DOCK9: variants seen among roughly 807,000 people sequenced by gnomAD.
DOCK9 encodes dedicator of cytokinesis protein 9.
DOCK9 carries 89 observed loss-of-function variants against 263.3 expected under a neutral mutation model. The observed-to-expected ratio is 0.34, with a 90% confidence interval of 0.28 to 0.40. DOCK9 has a LOEUF of 0.40. Ranked by LOEUF, DOCK9 falls within the 10% of genes least tolerant of loss-of-function variation. DOCK9 has a pLI of 1.00. For synonymous variants in DOCK9, 976 were observed against 973.1 expected (o/e 1.00, Z -0.06); for missense variants, 2,140 against 2,603.4 (o/e 0.82, Z 3.87).
At chr13:99,019,088 C>T (rs964684364) in intron 1 of DOCK9, among the ~76,000 whole-genome samples, 1 of 152,072 alleles carries the variant, frequency 6.6e-6, no homozygotes, top group Non-Finnish European at 1.5e-5. Flanking sequence ...TGCCACTACA[C>T]GAATGGCCCG....
chr13:98,995,433 T>A (rs1393883888), intron 1 of DOCK9, among the ~76,000 whole-genome samples: 1 of 151,352 alleles, frequency 6.6e-6, no homozygotes, highest in Non-Finnish European at 1.5e-5. Context: ...GAAAGAAAAG[T>A]AGAGGATGCG....
Position 98,794,494 on chromosome 13 carries a change from G to A in DOCK9, c.*132C>T. ...AGAAAGTCTGTTAAGAAATAACGTT[G>A]TTCTTTATTTCCTTTCTCTCCCCTT... On this transcript the variant is annotated 3_prime_UTR_variant, in exon 53 of 53. Transcript: ENST00000682017. The A allele has an allele frequency of 3.1e-6, 3 of 968,532 alleles. No homozygotes were observed. The highest frequency in any genetic ancestry group is 3.6e-5 in the South Asian group (2 of 55,082). 60.0% of individuals were successfully genotyped at this position (968,532 alleles called of 1,614,324 possible). A position where few individuals can be genotyped will look rare whatever the true frequency, so the allele number is the denominator to read the frequency against.
At chr13:98,816,508 T>C (rs1224412809) in intron 45 of DOCK9, among the ~76,000 whole-genome samples, 1 of 151,692 alleles carries the variant, frequency 6.6e-6, no homozygotes, top group Non-Finnish European at 1.5e-5. Context: ...AACAGTCAGG[T>C]GAAGGAACGC....
intron 1 of DOCK9, among the ~76,000 whole-genome samples, chr13:99,018,821 T>C (rs897911563): frequency 2.0e-5 from 3 of 152,208 alleles, no homozygotes; most frequent in African/African-American, 7.2e-5. Context: ...ATATTTCAAT[T>C]TGGAGATCAC....
chr13:98,934,527 G>C (rs2054501847), intron 2 of DOCK9, among the ~76,000 whole-genome samples: 1 of 152,192 alleles, frequency 6.6e-6, no homozygotes, highest in Non-Finnish European at 1.5e-5. Context: ...GAAGCTGTGG[G>C]ATGGTTTGTT....
chr13:99,087,652 G>A (rs1166173723), upstream of DOCK9, among the ~76,000 whole-genome samples: 6 of 152,182 alleles, frequency 3.9e-5, no homozygotes, highest in Admixed American at 2.0e-4. Flanking sequence ...GCCCGGCGCA[G>A]CCTAACCCTC....
chr13:98,978,250 T>A (rs943355164), upstream of DOCK9, among the ~76,000 whole-genome samples: 25 of 152,224 alleles, frequency 1.6e-4, no homozygotes, highest in African/African-American at 5.5e-4. Context: ...GCCAAATCAA[T>A]CGGAATCAAA....
In DOCK9 at chr13:98,855,969, A is replaced by T; in HGVS notation, c.3760T>A (p.Ser1254Thr). 1.2e-6 allele frequency: 2 copies of T among 1,613,988 alleles called. No individual in the cohort carries two copies. Among genetic ancestry groups the T allele is most frequent in the Non-Finnish European group, 1.7e-6 (2 of 1,179,886 alleles). Reference sequence around the variant, plus strand: ...TTACCCGAATCTGTGCTTATGAGAGATCCTCTCGAATCAGCATTTCTCACA... The same window carrying T: ...TTACCCGAATCTGTGCTTATGAGAGTTCCTCTCGAATCAGCATTTCTCACA... ...NSVRNADSRG[S>T]LISTDSGNSL... Residue 1254 changes from serine to threonine, a missense_variant, in exon 34 of 53, where the codon TCT (serine) becomes ACT (threonine). By Grantham distance (58) the Ser-to-Thr change is moderately conservative. This residue lies in a region of DOCK9 where 1,521 missense variants were observed against 1,741.7 expected (regional missense o/e 0.87). Coordinates refer to ENST00000682017, the MANE Select transcript of DOCK9 (RefSeq NM_001366683.2).
At chr13:98,810,339 C>T (rs2282134) in intron 45 of DOCK9, 48 bp from the exon 46 acceptor site, 643,823 of 1,600,096 alleles carry the variant, frequency 0.4, 135,864 homozygotes, top group East Asian at 0.68. Flanking sequence ...TTATGGGGAA[C>T]GTGACATGGC....
chr13:98,898,048 C>A (rs991680613), intron 14 of DOCK9, 131 bp downstream of exon 14: 6 of 674,698 alleles, frequency 8.9e-6, no homozygotes, highest in Non-Finnish European at 1.5e-5. Context: ...TTTTCAAAAT[C>A]TGGGCTTATG....
At chr13:98,843,799 T>A (rs772371743) in intron 38 of DOCK9, among the ~76,000 whole-genome samples, 4 of 152,140 alleles carry the variant, frequency 2.6e-5, no homozygotes, top group Non-Finnish European at 4.4e-5. Flanking sequence ...CAGCTGTCTC[T>A]CTCCTCCAAT....
chr13:98,922,203 C>T (rs1836751650), intron 5 of DOCK9, 57 bp from the exon 6 acceptor site: 1 of 1,387,812 alleles, frequency 7.2e-7, no homozygotes, highest in Non-Finnish European at 1.0e-6. Context: ...GGGTTGCTTG[C>T]TGTGAGTTTG....
At chr13:98,988,224 T>G (rs1320919260) in intron 1 of DOCK9, among the ~76,000 whole-genome samples, 1 of 152,214 alleles carries the variant, frequency 6.6e-6, no homozygotes, top group Non-Finnish European at 1.5e-5. Flanking sequence ...GAGCGAGGTA[T>G]TCATTTCGGG....
intron 39 of DOCK9, among the ~76,000 whole-genome samples, chr13:98,836,501 C>T (rs1173086678): frequency 6.6e-6 from 1 of 152,148 alleles, no homozygotes; most frequent in Non-Finnish European, 1.5e-5. Flanking sequence ...TTCCATTTCT[C>T]ACATGCTCCC....
intron 3 of DOCK9, among the ~76,000 whole-genome samples, chr13:98,928,012 A>AAC (rs2053300394): frequency 9.8e-6 from 1 of 102,132 alleles, no homozygotes; most frequent in African/African-American, 3.1e-5. Context: ...TACAAAAAAA[A>AAC]AAAAAAACAA....
chr13:98,846,158 G>C, intron 37 of DOCK9, 98 bp from the exon 38 acceptor site: 2 of 1,386,032 alleles, frequency 1.4e-6, no homozygotes, highest in South Asian at 1.4e-5. Flanking sequence ...GCACGAGGGA[G>C]ATGGCCATGC....
At chr13:98,838,811 T>G (rs2093105528) in intron 38 of DOCK9, among the ~76,000 whole-genome samples, 1 of 152,148 alleles carries the variant, frequency 6.6e-6, no homozygotes, top group Non-Finnish European at 1.5e-5. Flanking sequence ...CTTAAGTAAT[T>G]TTCCTAATAC....
Position 98,829,413 on chromosome 13 carries a change from T to C in DOCK9, c.4859A>G (p.Asp1620Gly), listed in dbSNP as rs1594426721. 3.1e-6 allele frequency: 5 copies of C among 1,613,928 alleles called. No individual in the cohort carries two copies. Among genetic ancestry groups the C allele is most frequent in the Non-Finnish European group, 4.2e-6 (5 of 1,179,882 alleles). ...GGATTTGGCCAGGCTGTACTGGAGGTCCACCAGCATCTCTGGGTCGTTCTC... is the reference window on the plus strand; with the variant it reads ...GGATTTGGCCAGGCTGTACTGGAGGCCCACCAGCATCTCTGGGTCGTTCTC... ...EHENDPEMLVDLQYSLAKSYA... is the reference protein window; with the variant it reads ...EHENDPEMLVGLQYSLAKSYA... The change falls in exon 43 of 53, where the codon GAC becomes GGC. Residue 1620 changes from aspartate (D) to glycine (G), a missense_variant. Coordinates refer to ENST00000682017, the MANE Select transcript of DOCK9 (RefSeq NM_001366683.2). The surrounding 1 kb of genome is among the most constrained non-coding windows in gnomAD (Gnocchi z 4.1).
chr13:98,986,204 T>C (rs1878410442), intron 1 of DOCK9, among the ~76,000 whole-genome samples: 1 of 152,260 alleles, frequency 6.6e-6, no homozygotes, highest in Non-Finnish European at 1.5e-5. Flanking sequence ...GTAGACCTTA[T>C]ATTTGTATGT....
Sources: gnomAD v4.1 joint callset for allele counts (sites outside exome capture counted in the v4.1 genomes callset) on GRCh38, gnomAD v4.1.1 for gene constraint, gnomAD v4.1.1 regional missense constraint, Gnocchi (gnomAD v3.1) non-coding constraint, MANE v1.5 for transcripts, NCBI Gene and HGNC (gene_info 2026-07-23, HGNC 2026-07-21) for gene names.